Variants in RASSF5 observed in about 807,000 individuals in gnomAD.
RASSF5 encodes the protein Ras association domain family member 5.
Under a neutral mutation model 40.5 loss-of-function variants are expected in RASSF5, and 25 were observed. The ratio of observed to expected loss-of-function variants is 0.62; its 90% CI spans 0.45 to 0.86. The LOEUF (loss-of-function observed/expected upper bound fraction) is 0.86. RASSF5 is among the 40% of genes least tolerant of loss of function. The probability of loss-of-function intolerance (pLI) is 0.00; values close to 1 mark genes in which losing one functional copy is unlikely to be tolerated. For synonymous variants in RASSF5, 246 were observed against 252.4 expected, an observed-to-expected ratio of 0.97 and a Z score of 0.24; for missense variants, 521 against 572.8, an observed-to-expected ratio of 0.91 and a Z score of 0.92.
intron 2 of RASSF5, among the ~76,000 whole-genome samples, chr1:206,561,919 C>T (rs1004233393): frequency 6.6e-6 from 1 of 151,838 alleles, no homozygotes; most frequent in Non-Finnish European, 1.5e-5. Flanking sequence ...ACCCCTACCT[C>T]GGCCTCCCAA....
intron 2 of RASSF5, among the ~76,000 whole-genome samples, chr1:206,550,243 G>A (rs539043181): frequency 6.6e-6 from 1 of 151,912 alleles, no homozygotes; most frequent in African/African-American, 2.4e-5. Flanking sequence ...CCATTTTTTT[G>A]GTTGTTTTAA....
intron 2 of RASSF5, among the ~76,000 whole-genome samples, chr1:206,573,044 T>C (rs566696423): frequency 1.3e-5 from 2 of 152,346 alleles, no homozygotes; most frequent in South Asian, 4.1e-4. Flanking sequence ...ATGGTGATGA[T>C]GATAATTTGG....
intron 1 of RASSF5, among the ~76,000 whole-genome samples, chr1:206,523,972 T>C (rs189806783): frequency 0.013 from 1,585 of 118,654 alleles, 35 homozygotes; most frequent in African/African-American, 0.052. Flanking sequence ...ATATATAATA[T>C]ATTTTATATA....
intron 1 of RASSF5, among the ~76,000 whole-genome samples, chr1:206,528,648 C>T (rs1370384004): frequency 6.6e-6 from 1 of 152,092 alleles, no homozygotes; most frequent in Admixed American, 6.6e-5. Flanking sequence ...GGAAGCTGTG[C>T]AGCATATGTA....
chr1:206,515,116 G>C lies in RASSF5; in HGVS notation c.457+7057G>C, dbSNP rs376234983. ...GCCTTAGGCTAATATCATTGATCAC[G>C]CAAGTTAGTTGAGTTTACTTATCCA... On this transcript the variant is annotated intron_variant, in intron 1 of 5. Coordinates refer to ENST00000579436, the MANE Select transcript of RASSF5 (RefSeq NM_182663.4). Among the ~76,000 whole-genome samples the C allele has an allele frequency of 3.4e-4, 52 of 152,284 alleles. 2 individuals are homozygous for C. In the East Asian group the frequency reaches 4.2e-3, roughly 12 times the overall value.
intron 2 of RASSF5, among the ~76,000 whole-genome samples, chr1:206,551,789 G>GC (rs527433871): frequency 6.2e-4 from 94 of 152,340 alleles, no homozygotes; most frequent in Admixed American, 1.6e-3. Context: ...GGTGGGCTAG[G>GC]CTAGCCCTGA....
At chr1:206,571,704 G>A (rs1370532251) in intron 2 of RASSF5, among the ~76,000 whole-genome samples, 1 of 152,206 alleles carries the variant, frequency 6.6e-6, no homozygotes. Context: ...GGGGCAGGAG[G>A]CCAATTCTGT....
At chr1:206,537,015 A>AC (rs1235864867) in intron 1 of RASSF5, among the ~76,000 whole-genome samples, 55 of 150,876 alleles carry the variant, frequency 3.6e-4, no homozygotes, top group Non-Finnish European at 7.5e-4. Flanking sequence ...TGTCTTCACT[A>AC]CCCCCCACCC....
In RASSF5 at chr1:206,513,844, C is replaced by A. The variant is rs782133330; in HGVS notation, c.457+5785C>A. Among the ~76,000 whole-genome samples the A allele has an allele frequency of 2.0e-5, 3 of 152,162 alleles. No homozygotes were observed. Among genetic ancestry groups the A allele is most frequent in the Non-Finnish European group, 2.9e-5 (2 of 68,028 alleles). On this transcript the variant is annotated intron_variant, in intron 1 of 5. Transcript: ENST00000579436. This position sits in a 1 kb window ranked among gnomAD's most constrained non-coding sequence, Gnocchi z 5.0. ...GTTAGACCAGGCAGAAGGCTGGGTT[C>A]CCTGGGGGCACTGGTTTAAGTGGAA... is the stretch of plus-strand genomic sequence containing the variant.
intron 2 of RASSF5, among the ~76,000 whole-genome samples, chr1:206,576,338 G>C (rs1668657554): frequency 6.6e-6 from 1 of 152,154 alleles, no homozygotes; most frequent in South Asian, 2.1e-4. Context: ...CTGGTGTTTG[G>C]GAGCGAGTCA....
chr1:206,534,451 A>C (rs782160916), intron 1 of RASSF5, among the ~76,000 whole-genome samples: 15 of 152,116 alleles, frequency 9.9e-5, no homozygotes, highest in Non-Finnish European at 1.6e-4. Flanking sequence ...GTTTCTCCTT[A>C]ATCTGTTGCT....
chr1:206,530,742 A>G (rs1242378832), intron 1 of RASSF5, among the ~76,000 whole-genome samples: 3 of 152,246 alleles, frequency 2.0e-5, no homozygotes, highest in African/African-American at 7.2e-5. Context: ...GTTACCCCTT[A>G]CAGACTCTAA....
chr1:206,538,968 G>A (rs531661410), intron 2 of RASSF5, among the ~76,000 whole-genome samples: 2 of 152,328 alleles, frequency 1.3e-5, no homozygotes, highest in South Asian at 4.1e-4. Flanking sequence ...TCTGGCAGGG[G>A]AGGCAGAATA....
chr1:206,563,245 G>A (rs4844540), intron 2 of RASSF5, among the ~76,000 whole-genome samples: 42,027 of 151,912 alleles, frequency 0.28, 6,271 homozygotes, highest in East Asian at 0.54. Context: ...GTGAGCCCTG[G>A]TAGAAAAGGA....
At chr1:206,582,324 A>T (rs1553406536) in intron 2 of RASSF5, among the ~76,000 whole-genome samples, 1 of 152,194 alleles carries the variant, frequency 6.6e-6, no homozygotes, top group African/African-American at 2.4e-5. Flanking sequence ...GGCATCTGGG[A>T]ACATATGAGA....
rs1667184331 is a variant in RASSF5 at position 206,529,569 on chromosome 1, A to C, written c.458-8603A>C. The C allele has an allele frequency of 6.1e-6, 5 of 815,072 alleles. No individual in the cohort carries two copies. In the East Asian group the frequency reaches 1.2e-4, roughly 20 times the overall value. The allele number at this position is 815,072 out of a possible 1,614,324, so 50.5% of individuals were successfully genotyped here. A position where few individuals can be genotyped will look rare whatever the true frequency, so the allele number is the denominator to read the frequency against. On this transcript the variant is annotated intron_variant, in intron 1 of 5. Transcript: ENST00000579436. ...CGCTTTGGCTAAGCTGGTGGAAGCT[A>C]TCAGGACCGATTACAATGACAGATA... is the stretch of plus-strand genomic sequence containing the variant.
chr1:206,536,686 G>T (rs1282910931), intron 1 of RASSF5, among the ~76,000 whole-genome samples: 1 of 152,136 alleles, frequency 6.6e-6, no homozygotes, highest in African/African-American at 2.4e-5. Flanking sequence ...TTAGAAGGAA[G>T]GAAAAGCATT....
chr1:206,531,208 A>C lies in RASSF5; in HGVS notation c.458-6964A>C, dbSNP rs1667228863. 6.6e-6 allele frequency among the ~76,000 whole-genome samples: 1 copy of C among 152,226 alleles called. No individual in the cohort carries two copies. The highest frequency in any genetic ancestry group is 1.5e-5 in the Non-Finnish European group (1 of 68,038). On this transcript the variant is annotated intron_variant, in intron 1 of 5. Coordinates refer to ENST00000579436, the MANE Select transcript of RASSF5 (RefSeq NM_182663.4). The surrounding 1 kb of genome is among the most constrained non-coding windows in gnomAD (Gnocchi z 4.7). ...CCACTTCAACAAAGGGCAGCAGAGA[A>C]GCATTCCTTCCTTTAGTCACTCAAC...
In RASSF5 at chr1:206,528,898, TCC is replaced by T. The variant is rs1572307150; in HGVS notation, c.458-9273_458-9272del. The T allele has an allele frequency of 1.3e-5, 7 of 546,962 alleles. No homozygotes were observed. In the East Asian group the frequency reaches 2.1e-4, roughly 16 times the overall value. 33.9% of individuals were successfully genotyped at this position (546,962 alleles called of 1,614,324 possible). ...ACAAAAAATTAAAAAATTAGCTCTC[TCC>T]TCGCATTGCCCAAGATGCTGAAAGG... On this transcript the variant is annotated intron_variant, in intron 1 of 5. Transcript: ENST00000579436.
Sources: allele counts gnomAD v4.1 joint callset (sites outside exome capture counted in the v4.1 genomes callset), GRCh38; gene constraint gnomAD v4.1.1; non-coding constraint Gnocchi (gnomAD v3.1); transcripts MANE v1.5; gene names NCBI Gene and HGNC (gene_info 2026-07-23, HGNC 2026-07-21).